FBXO31: variants seen among roughly 807,000 people sequenced by gnomAD.
FBXO31 encodes the protein F-box protein 31.
FBXO31 carries 24 observed loss-of-function variants against 54.4 expected under a neutral mutation model. The ratio of observed to expected loss-of-function variants is 0.44; its 90% confidence interval spans 0.32 to 0.62. The LOEUF (loss-of-function observed/expected upper bound fraction) is 0.62. Ranked by LOEUF, FBXO31 falls within the 20% of genes least tolerant of loss-of-function variation. FBXO31 has a pLI of 0.05. For synonymous variants in FBXO31, 388 were observed against 335.6 expected (o/e 1.16, Z -1.71); for missense variants, 665 against 787.1 (o/e 0.84, Z 1.86).
Position 87,346,324 on chromosome 16 carries a change from T to TG in FBXO31, c.489+849dup, listed in dbSNP as rs35792154. Among the ~76,000 whole-genome samples the TG allele has an allele frequency of 0.017, 2,563 of 151,258 alleles. 37 individuals are homozygous for TG. The highest frequency in any genetic ancestry group is 0.034 in the African/African-American group (1,397 of 41,152). ...AAGTGCCCAGGCGCACAGTGAGGGG[T>TG]GGGGGGCATCCAACACGCCTGGAGA... is the stretch of plus-strand genomic sequence containing the variant. On this transcript the variant is annotated intron_variant, in intron 3 of 8. Coordinates refer to ENST00000311635, the MANE Select transcript of FBXO31 (RefSeq NM_024735.5). The surrounding 1 kb of genome is among the most constrained non-coding windows in gnomAD (Gnocchi z 4.2).
Position 87,383,602 on chromosome 16 carries a change from G to C in FBXO31, c.143C>G (p.Ala48Gly). ...DPEEERIEAS[A>G]GVGGGLCAGP... ...CGCGCACAAGCCGCCCCCGACCCCG[G>C]CGCTAGCCTCGATGCGCTCCTCCTC... The change falls in exon 1 of 9, where the codon GCC (alanine) becomes GGC (glycine). Residue 48 changes from alanine to glycine, a missense_variant. Physicochemically the swap from Ala to Gly is moderately conservative, Grantham distance 60. Transcript: ENST00000311635. This position sits in a 1 kb window ranked among gnomAD's most constrained non-coding sequence, Gnocchi z 4.9. 1 of 1,472,126 alleles carries C rather than the reference G, an allele frequency of 6.8e-7. No homozygotes were observed. The highest frequency in any genetic ancestry group is 1.3e-5 in the South Asian group (1 of 75,706). The allele number at this position is 1,472,126 out of a possible 1,614,324, so 91.2% of individuals were successfully genotyped here.
intron 1 of FBXO31, among the ~76,000 whole-genome samples, chr16:87,370,619 C>A (rs1329537603): frequency 5.3e-5 from 8 of 152,140 alleles, no homozygotes; most frequent in Admixed American, 5.2e-4. Context: ...CCTGGGCATG[C>A]AGGCAGGGAA....
intron 1 of FBXO31, among the ~76,000 whole-genome samples, chr16:87,377,886 A>T (rs1009105937): frequency 1.1e-4 from 17 of 151,956 alleles, no homozygotes; most frequent in African/African-American, 4.1e-4. Flanking sequence ...GGCCAGGCAC[A>T]GTGGCTCATG....
At chr16:87,347,412 G>C (rs1359591619) in intron 2 of FBXO31, among the ~76,000 whole-genome samples, 162 bp from the exon 3 acceptor site, 1 of 152,170 alleles carries the variant, frequency 6.6e-6, no homozygotes, top group Non-Finnish European at 1.5e-5. Context: ...ATCAGAATGA[G>C]GCCGGGTGCG....
rs185593193 is a variant in FBXO31 at position 87,347,293 on chromosome 16, C to T, written c.413-43G>A. The T allele has an allele frequency of 1.5e-4, 238 of 1,584,482 alleles. No homozygotes were observed. In the East Asian group the frequency reaches 2.1e-3, roughly 14 times the overall value. On this transcript the variant is annotated intron_variant, in intron 2 of 8. Transcript: ENST00000311635. The stretch of plus-strand genomic sequence containing the variant: ...GAGCAAGTCTCTGTGTTAGACCCAG[C>T]GTGCCGCAGGGAGCCCAGGAACCCC...
chr16:87,383,709 C>A lies in FBXO31; in HGVS notation c.36G>T (p.Pro12=). The change falls in exon 1 of 9, where the codon CCG becomes CCT. Residue 12 remains proline (P), a synonymous_variant. Coordinates refer to ENST00000311635, the MANE Select transcript of FBXO31 (RefSeq NM_024735.5). This position sits in a 1 kb window ranked among gnomAD's most constrained non-coding sequence, Gnocchi z 4.9. The part of the protein sequence containing the change: ...AVCARLCGVG[P]SRGCRRRQQR... Reference sequence around the variant, plus strand: ...GCTGGCGGCGCCGACATCCGCGCGACGGGCCCACGCCGCAAAGGCGAGCAC... The same window carrying A: ...GCTGGCGGCGCCGACATCCGCGCGAAGGGCCCACGCCGCAAAGGCGAGCAC... The A allele has an allele frequency of 2.4e-6, 3 of 1,260,734 alleles. No individual in the cohort carries two copies. Among genetic ancestry groups the A allele is most frequent in the Admixed American group, 4.3e-5 (1 of 23,020 alleles). 78.1% of individuals were successfully genotyped at this position (1,260,734 alleles called of 1,614,324 possible).
At chr16:87,331,674 G>C (rs1183343926) in intron 8 of FBXO31, among the ~76,000 whole-genome samples, 164 bp from the exon 9 acceptor site, 1 of 152,364 alleles carries the variant, frequency 6.6e-6, no homozygotes, top group East Asian at 1.9e-4. Flanking sequence ...GGGGCAGCTG[G>C]GGGTGTGGGC....
In FBXO31 at chr16:87,335,091, C is replaced by G. The variant is rs1905002891; in HGVS notation, c.996+213G>C. ...GAAGGCCACCTTGGAAGCACACAGA[C>G]TCCCTGAGGGTCTCGTGGAAATGCA... On this transcript the variant is annotated intron_variant, in intron 7 of 8. Transcript: ENST00000311635. This position sits in a 1 kb window ranked among gnomAD's most constrained non-coding sequence, Gnocchi z 5.7. Among the ~76,000 whole-genome samples the G allele has an allele frequency of 6.6e-6, 1 of 152,222 alleles. No homozygotes were observed. The highest frequency in any genetic ancestry group is 1.9e-4 in the East Asian group (1 of 5,190).
rs1354804376 is a variant in FBXO31, at chr16:87,383,390, C to G, written c.340+15G>C. 6.5e-7 allele frequency: 1 copy of G among 1,527,474 alleles called. No homozygotes were observed. The highest frequency in any genetic ancestry group is 8.8e-7 in the Non-Finnish European group (1 of 1,137,430). The allele number at this position is 1,527,474 out of a possible 1,614,324, so 94.6% of individuals were successfully genotyped here. A position where few individuals can be genotyped will look rare whatever the true frequency, so the allele number is the denominator to read the frequency against. The stretch of plus-strand genomic sequence containing the variant: ...CCCCCCGCCCCTCCCGGCCCCGCCA[C>G]CCCCGCGCGCTCACCCTCACGGCAA... On this transcript the variant is annotated intron_variant, in intron 1 of 8. Transcript: ENST00000311635. This position sits in a 1 kb window ranked among gnomAD's most constrained non-coding sequence, Gnocchi z 4.9.
rs189733960 is a variant in FBXO31, at chr16:87,335,653, C to T, written c.843-196G>A. The stretch of plus-strand genomic sequence containing the variant: ...CACCCCCACCACCCACCAGCACGCA[C>T]GCTTCCAACAGGACTTCTGGGGTTA... On this transcript the variant is annotated intron_variant, in intron 6 of 8. Coordinates refer to ENST00000311635, the MANE Select transcript of FBXO31 (RefSeq NM_024735.5). This position sits in a 1 kb window ranked among gnomAD's most constrained non-coding sequence, Gnocchi z 5.7. 2.0e-5 allele frequency among the ~76,000 whole-genome samples: 3 copies of T among 152,288 alleles called. No homozygotes were observed. Among genetic ancestry groups the T allele is most frequent in the East Asian group, 3.9e-4 (2 of 5,176 alleles).
At chr16:87,389,660 C>G (rs1487266286) in intron 1 of FBXO31, 1 of 152,236 alleles carries the variant, frequency 6.6e-6, no homozygotes, top group Non-Finnish European at 1.5e-5. Flanking sequence ...AAGAAAGCAA[C>G]ACAGACTCCA....
At chr16:87,352,885 G>A (rs919282435) in intron 2 of FBXO31, among the ~76,000 whole-genome samples, 6 of 152,330 alleles carry the variant, frequency 3.9e-5, no homozygotes, top group Admixed American at 3.9e-4. Context: ...CCAGGCGCCG[G>A]CACATCTGGG....
intron 1 of FBXO31, among the ~76,000 whole-genome samples, chr16:87,366,455 C>A (rs577485198): frequency 6.6e-6 from 1 of 152,116 alleles, no homozygotes; most frequent in Admixed American, 6.6e-5. Context: ...GTGAAGAGAG[C>A]GGGCAAGATC....
chr16:87,381,463 C>A (rs536673677), intron 1 of FBXO31, among the ~76,000 whole-genome samples: 3 of 152,338 alleles, frequency 2.0e-5, no homozygotes, highest in Middle Eastern at 3.4e-3. Flanking sequence ...ATGCTCCCAA[C>A]AGGACTTGGG....
intron 4 of FBXO31, 85 bp from the exon 5 acceptor site, chr16:87,343,036 C>A: frequency 1.7e-6 from 2 of 1,193,318 alleles, no homozygotes; most frequent in South Asian, 1.4e-5. Context: ...GTGGCCACGA[C>A]CCCTCCCTCA....
upstream of FBXO31, among the ~76,000 whole-genome samples, chr16:87,387,764 G>A (rs527868318): frequency 1.5e-4 from 23 of 152,288 alleles, no homozygotes; most frequent in Admixed American, 3.9e-4. Context: ...CCGAGATGGC[G>A]CCACATGCAC....
At chr16:87,379,984 C>G (rs112354615) in intron 1 of FBXO31, among the ~76,000 whole-genome samples, 2 of 144,960 alleles carry the variant, frequency 1.4e-5, no homozygotes, top group Non-Finnish European at 3.0e-5. Flanking sequence ...GGCAAGAGAG[C>G]GAGACTCCGC....
upstream of FBXO31, chr16:87,391,860 C>A (rs1198522426): frequency 6.6e-6 from 1 of 152,616 alleles, no homozygotes; most frequent in East Asian, 1.9e-4. Context: ...CGCCTCAGCC[C>A]CGGGTGCCGG....
chr16:87,358,151 T>C lies in FBXO31; in HGVS notation c.412+2144A>G, dbSNP rs906318348. 3.9e-5 allele frequency among the ~76,000 whole-genome samples: 6 copies of C among 152,344 alleles called. No individual in the cohort carries two copies. Among genetic ancestry groups the C allele is most frequent in the Non-Finnish European group, 7.3e-5 (5 of 68,042 alleles). On this transcript the variant is annotated intron_variant, in intron 2 of 8. Coordinates refer to ENST00000311635, the MANE Select transcript of FBXO31 (RefSeq NM_024735.5). This position sits in a 1 kb window ranked among gnomAD's most constrained non-coding sequence, Gnocchi z 4.0. ...ATACATGTGAAAATGTGCATTAAAG[T>C]GATCTCGACTGGTAGTACCCAGAAA... is the stretch of plus-strand genomic sequence containing the variant.
Sources: allele counts gnomAD v4.1 joint callset (sites outside exome capture counted in the v4.1 genomes callset), GRCh38; gene constraint gnomAD v4.1.1; non-coding constraint Gnocchi (gnomAD v3.1); transcripts MANE v1.5; gene names NCBI Gene and HGNC (gene_info 2026-07-23, HGNC 2026-07-21).